PPP3R1: variants seen among roughly 807,000 people sequenced by gnomAD.
PPP3R1 encodes calcineurin subunit B type 1.
In PPP3R1, 5 loss-of-function variants were observed where a neutral mutation model predicts 22.6. That is an observed-to-expected ratio of 0.22 (90% CI 0.12 to 0.46). PPP3R1 has a LOEUF of 0.46. PPP3R1 is among the 20% of genes least tolerant of loss of function. The pLI, the probability that PPP3R1 is intolerant of heterozygous loss-of-function variation, is 0.99. For missense variants in PPP3R1, 61 were observed against 203.2 expected (o/e 0.30, Z 4.25); for synonymous variants, 56 against 65.2 (o/e 0.86, Z 0.68).
chr2:68,182,343 C>T (rs1351726965), intron 5 of PPP3R1, among the ~76,000 whole-genome samples: 1 of 152,118 alleles, frequency 6.6e-6, no homozygotes, highest in Non-Finnish European at 1.5e-5. Flanking sequence ...TGCCCTCATT[C>T]TCTATTTGCT....
intron 1 of PPP3R1, among the ~76,000 whole-genome samples, chr2:68,229,973 TACACACACACACACACACACAC>T (rs201152385): frequency 3.5e-5 from 5 of 143,142 alleles, no homozygotes; most frequent in Non-Finnish European, 6.1e-5. Flanking sequence ...TATACACACA[TACACACACACACACACACACAC>T]ACACACACAC....
chr2:68,183,862 G>A (rs1301949660), intron 5 of PPP3R1, among the ~76,000 whole-genome samples: 1 of 152,124 alleles, frequency 6.6e-6, no homozygotes, highest in Non-Finnish European at 1.5e-5. Flanking sequence ...TGAATGATGG[G>A]GCTGTTAAGT....
At chr2:68,242,303 C>T (rs908291829) in intron 1 of PPP3R1, among the ~76,000 whole-genome samples, 13 of 151,732 alleles carry the variant, frequency 8.6e-5, no homozygotes, top group African/African-American at 2.7e-4. Context: ...GGTGCGCACC[C>T]GCAATCACAG....
intron 1 of PPP3R1, among the ~76,000 whole-genome samples, chr2:68,222,321 T>A (rs2103778936): frequency 6.6e-6 from 1 of 152,270 alleles, no homozygotes; most frequent in African/African-American, 2.4e-5. Context: ...GGAGACGAAA[T>A]AAAATGGTAT....
At chr2:68,235,180 G>C (rs1669996349) in intron 1 of PPP3R1, among the ~76,000 whole-genome samples, 1 of 152,152 alleles carries the variant, frequency 6.6e-6, no homozygotes, top group African/African-American at 2.4e-5. Context: ...TGGTCAATAA[G>C]CCTACCACCT....
Position 68,180,231 on chromosome 2 carries a change from G to C in PPP3R1, c.*732C>G, listed in dbSNP as rs1243453701. The stretch of plus-strand genomic sequence containing the variant: ...CTGTGCAGTTACTATATGAACACAA[G>C]AACTAGCTCTTGGCAGTAGCAATGA... On this transcript the variant is annotated 3_prime_UTR_variant, in exon 6 of 6. Coordinates refer to ENST00000234310, the MANE Select transcript of PPP3R1 (RefSeq NM_000945.4). 6.6e-6 allele frequency: 1 copy of C among 152,278 alleles called. No individual in the cohort carries two copies. Among genetic ancestry groups the C allele is most frequent in the Non-Finnish European group, 1.5e-5 (1 of 68,044 alleles). The allele number at this position is 152,278 out of a possible 1,614,324, so 9.4% of individuals were successfully genotyped here.
intron 1 of PPP3R1, among the ~76,000 whole-genome samples, chr2:68,239,315 T>C (rs1311114432): frequency 1.3e-5 from 2 of 152,222 alleles, no homozygotes; most frequent in African/African-American, 4.8e-5. Flanking sequence ...CCCTGTTTAC[T>C]GACAGAATAT....
chr2:68,252,029 G>A (rs1351936806), intron 1 of PPP3R1, 96 bp downstream of exon 1: 85 of 1,230,552 alleles, frequency 6.9e-5, no homozygotes, highest in Non-Finnish European at 8.7e-5. Context: ...TTCCACGGGG[G>A]ACAGCCGACC....
intron 1 of PPP3R1, among the ~76,000 whole-genome samples, chr2:68,249,833 T>G (rs963659960): frequency 2.6e-5 from 4 of 152,234 alleles, no homozygotes; most frequent in Non-Finnish European, 5.9e-5. Flanking sequence ...TTACTTTCCA[T>G]ACTTGAATTA....
chr2:68,244,437 A>C (rs1224957242), intron 1 of PPP3R1, among the ~76,000 whole-genome samples: 3 of 152,156 alleles, frequency 2.0e-5, no homozygotes, highest in Non-Finnish European at 4.4e-5. Context: ...AACCTCAGCA[A>C]ATTAACTTGC....
chr2:68,240,389 ACT>A (rs1670100133), intron 1 of PPP3R1, among the ~76,000 whole-genome samples: 1 of 152,122 alleles, frequency 6.6e-6, no homozygotes, highest in African/African-American at 2.4e-5. Context: ...TCTTTCTCAA[ACT>A]CTGCTAAATT....
chr2:68,188,719 A>C (rs1215829887), intron 2 of PPP3R1, 29 bp from the exon 3 acceptor site: 1 of 1,535,324 alleles, frequency 6.5e-7, no homozygotes, highest in South Asian at 1.3e-5. Flanking sequence ...GGAAGCAAGA[A>C]TTTTTTAAAA....
chr2:68,242,621 G>C (rs1670157445), intron 1 of PPP3R1, among the ~76,000 whole-genome samples: 1 of 152,050 alleles, frequency 6.6e-6, no homozygotes, highest in African/African-American at 2.4e-5. Context: ...GGGAACACAG[G>C]TGCACCATGA....
intron 1 of PPP3R1, among the ~76,000 whole-genome samples, chr2:68,233,151 T>C (rs943096827): frequency 1.3e-5 from 2 of 152,208 alleles, no homozygotes; most frequent in Non-Finnish European, 2.9e-5. Context: ...CAAGATTCTA[T>C]CTTAACTAAG....
At chr2:68,191,773 G>C (rs182455808) in intron 2 of PPP3R1, among the ~76,000 whole-genome samples, 6 of 152,184 alleles carry the variant, frequency 3.9e-5, no homozygotes, top group Non-Finnish European at 5.9e-5. Flanking sequence ...AACTACACAA[G>C]CATTTTATCC....
chr2:68,229,117 A>C (rs1445114283), intron 1 of PPP3R1, among the ~76,000 whole-genome samples: 4 of 152,022 alleles, frequency 2.6e-5, no homozygotes, highest in African/African-American at 9.7e-5. Flanking sequence ...TCCTGGGCTC[A>C]AGTGATCCTC....
intron 2 of PPP3R1, among the ~76,000 whole-genome samples, chr2:68,208,726 G>T (rs1236887553): frequency 6.6e-6 from 1 of 151,924 alleles, no homozygotes; most frequent in Non-Finnish European, 1.5e-5. Context: ...TTTGAGGCCA[G>T]GAGTTCGAGA....
At chr2:68,235,093 G>C (rs1364360033) in intron 1 of PPP3R1, among the ~76,000 whole-genome samples, 2 of 152,192 alleles carry the variant, frequency 1.3e-5, no homozygotes, top group Non-Finnish European at 2.9e-5. Context: ...ATTTGAGTTA[G>C]CAATGAGAAC....
chr2:68,200,334 T>C (rs1387133793), intron 2 of PPP3R1, among the ~76,000 whole-genome samples: 1 of 152,306 alleles, frequency 6.6e-6, no homozygotes, highest in East Asian at 1.9e-4. Flanking sequence ...TACCACTGAC[T>C]TCCTCCTTAT....
Sources: allele counts gnomAD v4.1 joint callset (sites outside exome capture counted in the v4.1 genomes callset), GRCh38; gene constraint gnomAD v4.1.1; transcripts MANE v1.5; gene names NCBI Gene and HGNC (gene_info 2026-07-23, HGNC 2026-07-21).